LVRN: variants seen among roughly 807,000 people sequenced by gnomAD.
The protein encoded by LVRN is laeverin.
Under a neutral mutation model 111.4 loss-of-function variants are expected in LVRN, and 99 were observed. That is an observed-to-expected ratio of 0.89 (90% CI 0.76 to 1.05). The LOEUF (loss-of-function observed/expected upper bound fraction) is 1.05. LVRN is among the 50% of genes least tolerant of loss of function. LVRN has a pLI of 0.00. For missense variants in LVRN, 1,414 were observed against 1,206.8 expected (o/e 1.17, Z -2.54); for synonymous variants, 488 against 449.5 (o/e 1.09, Z -1.08).
At chr5:115,979,839 C>CA (rs1418767005) in intron 1 of LVRN, among the ~76,000 whole-genome samples, 1 of 152,138 alleles carries the variant, frequency 6.6e-6, no homozygotes, top group African/African-American at 2.4e-5. Flanking sequence ...TGCTATTCAG[C>CA]ACTTGTTAAG....
intron 4 of LVRN, among the ~76,000 whole-genome samples, chr5:115,988,772 A>T (rs750702685): frequency 2.0e-5 from 3 of 152,138 alleles, no homozygotes; most frequent in African/African-American, 7.2e-5. Context: ...GCCTCGGCCC[A>T]TTCAGAAATC....
intron 13 of LVRN, among the ~76,000 whole-genome samples, chr5:116,007,045 A>G (rs13154162): frequency 0.025 from 3,774 of 152,184 alleles, 66 homozygotes; most frequent in Middle Eastern, 0.044. Flanking sequence ...TCATTCTTAG[A>G]AATGTCTTTT....
In LVRN at chr5:116,012,455, G is replaced by T; in HGVS notation, c.2329G>T (p.Asp777Tyr). 1.3e-6 allele frequency: 2 copies of T among 1,541,792 alleles called. No individual in the cohort carries two copies. The highest frequency in any genetic ancestry group is 1.2e-5 in the South Asian group (1 of 86,418). Residue 777 changes from aspartate to tyrosine, a missense_variant, in exon 15 of 20, where the codon GAC (aspartate) becomes TAC (tyrosine). Coordinates refer to ENST00000357872, the MANE Select transcript of LVRN (RefSeq NM_173800.5). ...IRENVLALQD[D>Y]YLALISLEKL... ...TGAAAATGTGTTGGCATTACAAGAT[G>T]ACTACTTAGCTCTGTAAGTATGTTT...
intron 2 of LVRN, 122 bp downstream of exon 2, chr5:115,983,551 T>C: frequency 4.5e-6 from 5 of 1,118,780 alleles, no homozygotes; most frequent in Non-Finnish European, 6.0e-6. Flanking sequence ...CTACTATAAT[T>C]AGGTAGAGCA....
chr5:115,962,854 G>T lies in LVRN; in HGVS notation c.237G>T (p.Ala79=). The change falls in exon 1 of 20, where the codon GCG becomes GCT. Residue 79 remains alanine, a synonymous_variant. Coordinates refer to ENST00000357872, the MANE Select transcript of LVRN (RefSeq NM_173800.5). ...AACCCAGCAGTGCACGCGAGCTAGC[G>T]GTGACGACCACCCCGAGCAACTGGC... ...TPKPSSAREL[A]VTTTPSNWRP... is the part of the protein sequence containing the mutation. The T allele has an allele frequency of 6.2e-7, 1 of 1,613,162 alleles. No individual in the cohort carries two copies. The highest frequency in any genetic ancestry group is 8.5e-7 in the Non-Finnish European group (1 of 1,179,798).
At chr5:115,964,065 A>T (rs1268268597) in intron 1 of LVRN, among the ~76,000 whole-genome samples, 1 of 152,196 alleles carries the variant, frequency 6.6e-6, no homozygotes, top group Admixed American at 6.5e-5. Flanking sequence ...CCTACACGGA[A>T]TGTTTCCTGC....
intron 1 of LVRN, chr5:115,975,756 T>C (rs1753432962): frequency 6.5e-6 from 1 of 152,978 alleles, no homozygotes; most frequent in African/African-American, 2.4e-5. Context: ...TTTCACGTCA[T>C]CACACATTAT....
At chr5:115,963,672 C>T (rs1401757897) in intron 1 of LVRN, among the ~76,000 whole-genome samples, 1 of 152,174 alleles carries the variant, frequency 6.6e-6, no homozygotes, top group Non-Finnish European at 1.5e-5. Flanking sequence ...AACACTTGGA[C>T]ACAGGAAGGG....
At chr5:116,000,689 C>G (rs1748219490) in intron 9 of LVRN, 31 bp downstream of exon 9, 1 of 1,606,924 alleles carries the variant, frequency 6.2e-7, no homozygotes, top group Admixed American at 1.7e-5. Context: ...CACATTCTTG[C>G]TGAGTTGTTT....
chr5:115,984,983 T>C (rs892201036), intron 3 of LVRN, among the ~76,000 whole-genome samples: 4 of 152,166 alleles, frequency 2.6e-5, no homozygotes, highest in Admixed American at 2.6e-4. Flanking sequence ...GTTTCTGCTT[T>C]TGCAGAAGAC....
At chr5:115,968,332 C>T (rs1417253182) in intron 1 of LVRN, among the ~76,000 whole-genome samples, 2 of 151,948 alleles carry the variant, frequency 1.3e-5, no homozygotes, top group Non-Finnish European at 2.9e-5. Context: ...ACTTTTTCTG[C>T]ATAAATTGAT....
At chr5:115,963,785 G>A (rs1273764245) in intron 1 of LVRN, among the ~76,000 whole-genome samples, 1 of 152,196 alleles carries the variant, frequency 6.6e-6, no homozygotes, top group Non-Finnish European at 1.5e-5. Flanking sequence ...AGACGGCGGA[G>A]ACCGCGGTCC....
At chr5:116,003,635 G>T (rs1248215591) in intron 12 of LVRN, among the ~76,000 whole-genome samples, 1 of 148,422 alleles carries the variant, frequency 6.7e-6, no homozygotes, top group Non-Finnish European at 1.5e-5. Flanking sequence ...AGGCTGGAGT[G>T]CAGTGACGCG....
At chr5:115,984,094 G>C (rs1026863758) in intron 2 of LVRN, among the ~76,000 whole-genome samples, 24 of 152,126 alleles carry the variant, frequency 1.6e-4, no homozygotes, top group Non-Finnish European at 3.4e-4. Flanking sequence ...ATTTCACATC[G>C]AGTGCCTGGC....
At chr5:115,998,428 C>G (rs1473985584) in intron 6 of LVRN, among the ~76,000 whole-genome samples, 1 of 152,058 alleles carries the variant, frequency 6.6e-6, no homozygotes, top group Admixed American at 6.6e-5. Flanking sequence ...GTTTTTACAA[C>G]TATGGGAATA....
intron 10 of LVRN, 97 bp downstream of exon 10, chr5:116,001,336 G>T: frequency 7.4e-7 from 1 of 1,356,486 alleles, no homozygotes; most frequent in Non-Finnish European, 1.0e-6. Context: ...TACCCCCGCT[G>T]GGCATACACA....
At chr5:115,996,977 A>C (rs965502202) in intron 6 of LVRN, among the ~76,000 whole-genome samples, 6 of 152,176 alleles carry the variant, frequency 3.9e-5, no homozygotes, top group African/African-American at 1.2e-4. Flanking sequence ...ACTAGGCACT[A>C]GTTTTATGTA....
rs370248217 is a variant in LVRN, at chr5:116,027,003, G to T, written c.*885G>T. 1.3e-5 allele frequency: 2 copies of T among 152,174 alleles called. No individual in the cohort carries two copies. The highest frequency in any genetic ancestry group is 2.4e-5 in the African/African-American group (1 of 41,446). The allele number at this position is 152,174 out of a possible 1,614,324, so 9.4% of individuals were successfully genotyped here. A position where few individuals can be genotyped will look rare whatever the true frequency, so the allele number is the denominator to read the frequency against. On this transcript the variant is annotated 3_prime_UTR_variant, in exon 20 of 20. Coordinates refer to ENST00000357872, the MANE Select transcript of LVRN (RefSeq NM_173800.5). ...GAAATGAAAGAAACAGAACTAAAAGGCTAACTGGAGCATAATCCTTACAGT... is the reference window on the plus strand; with the variant it reads ...GAAATGAAAGAAACAGAACTAAAAGTCTAACTGGAGCATAATCCTTACAGT...
At chr5:116,021,543 C>A in intron 18 of LVRN, 1 of 241,026 alleles carries the variant, frequency 4.1e-6, no homozygotes, top group Non-Finnish European at 8.2e-6. Context: ...CACTATTTTC[C>A]CTCACCTTTA....
Sources: allele counts gnomAD v4.1 joint callset (sites outside exome capture counted in the v4.1 genomes callset), GRCh38; gene constraint gnomAD v4.1.1; transcripts MANE v1.5; gene names NCBI Gene and HGNC (gene_info 2026-07-23, HGNC 2026-07-21).